The following PATL2 variants were observed in gnomAD, a reference collection of about 807,000 sequenced individuals.
PATL2 encodes the protein PAT1 homolog 2, also known as protein PAT1 homolog 2.
A neutral mutation model predicts 77.0 loss-of-function variants in PATL2; 73 were observed. The observed-to-expected ratio is 0.95, with a 90% CI of 0.78 to 1.15. PATL2 has a LOEUF of 1.15. Among genes scored for constraint, PATL2 ranks in the 50% most tolerant of loss-of-function variants. PATL2 has a pLI of 0.00. For missense variants in PATL2, 618 were observed against 655.4 expected (o/e 0.94, Z 0.62); for synonymous variants, 265 against 257.1 (o/e 1.03, Z -0.29).
At chr15:44,673,455 C>T (rs2085794040) in intron 6 of PATL2, 78 bp from the exon 7 acceptor site, 1 of 1,495,212 alleles carries the variant, frequency 6.7e-7, no homozygotes, top group Non-Finnish European at 9.0e-7. Flanking sequence ...GGGCTCAGTT[C>T]CTTTCCTACC....
intron 3 of PATL2, among the ~76,000 whole-genome samples, chr15:44,688,278 T>C (rs1053844724): frequency 1.4e-5 from 2 of 146,778 alleles, no homozygotes; most frequent in Non-Finnish European, 3.0e-5. Context: ...TAAATAATAA[T>C]AATAATAAAA....
intron 3 of PATL2, among the ~76,000 whole-genome samples, chr15:44,707,114 T>TGAACG (rs1403105347): frequency 2.0e-5 from 3 of 151,820 alleles, no homozygotes; most frequent in Non-Finnish European, 4.4e-5. Flanking sequence ...AAGCTTGTGG[T>TGAACG]GAACGCTGCC....
intron 5 of PATL2, chr15:44,674,461 A>G (rs376563857): frequency 2.8e-5 from 14 of 491,248 alleles, no homozygotes; most frequent in African/African-American, 2.5e-4. Context: ...CATGAGACAT[A>G]TATGTTCCGA....
chr15:44,678,487 G>C (rs539014760), intron 3 of PATL2, among the ~76,000 whole-genome samples: 49 of 152,064 alleles, frequency 3.2e-4, no homozygotes, highest in Non-Finnish European at 6.2e-4. Context: ...TATGTCTACT[G>C]ATCCCCTAGA....
intron 3 of PATL2, among the ~76,000 whole-genome samples, chr15:44,698,686 T>G (rs1287323986): frequency 6.6e-6 from 1 of 152,254 alleles, no homozygotes; most frequent in Non-Finnish European, 1.5e-5. Flanking sequence ...CTATTTTGAA[T>G]AGTGCTGCAA....
intron 3 of PATL2, among the ~76,000 whole-genome samples, chr15:44,692,444 C>T (rs916988959): frequency 4.6e-5 from 7 of 152,316 alleles, no homozygotes; most frequent in African/African-American, 1.7e-4. Context: ...ACCTGCATCA[C>T]AGTCTAAAGG....
intron 6 of PATL2, among the ~76,000 whole-genome samples, chr15:44,673,642 A>T (rs1280817048): frequency 1.3e-5 from 2 of 152,054 alleles, no homozygotes; most frequent in African/African-American, 4.8e-5. Flanking sequence ...GAAAGTCAAC[A>T]CTTCTCACCC....
rs183435653 is a variant in PATL2 at position 44,672,806 on chromosome 15, C to A, written c.447-350G>T. Among the ~76,000 whole-genome samples the A allele has an allele frequency of 8.9e-4, 135 of 152,352 alleles. 2 individuals carry two copies. The highest frequency in any genetic ancestry group is 3.2e-3 in the African/African-American group (134 of 41,588). On this transcript the variant is annotated intron_variant, in intron 7 of 17. Transcript: ENST00000682850. ...AGACAGTCTCCCTCTGTCATCCAGG[C>A]TGGAGTGCAGTGGCATGGTCTCAGC...
Position 44,711,236 on chromosome 15 carries a change from G to T in PATL2, c.-470C>A. 1 of 544,676 alleles carries T rather than the reference G, an allele frequency of 1.8e-6. No homozygotes were observed. Among genetic ancestry groups the T allele is most frequent in the Non-Finnish European group, 3.3e-6 (1 of 301,368 alleles). 33.7% of individuals were successfully genotyped at this position (544,676 alleles called of 1,614,324 possible). ...CAAAGCGAGGGGGCAGCCTTAATGT[G>T]CCTCCAGCCTGAAGTCCTAGAATGA... is the stretch of plus-strand genomic sequence containing the variant. On this transcript the variant is annotated 5_prime_UTR_variant, in exon 1 of 18. Transcript: ENST00000682850.
intron 3 of PATL2, among the ~76,000 whole-genome samples, chr15:44,704,212 C>T (rs1309675056): frequency 6.7e-6 from 1 of 149,882 alleles, no homozygotes; most frequent in African/African-American, 2.5e-5. Flanking sequence ...GCACTTTCAC[C>T]ACCGTGTTTT....
chr15:44,704,516 T>A (rs1453331490), intron 3 of PATL2, among the ~76,000 whole-genome samples: 1 of 152,226 alleles, frequency 6.6e-6, no homozygotes, highest in Non-Finnish European at 1.5e-5. Context: ...GTCCTCCTGC[T>A]TTTTAATTCT....
At chr15:44,667,860 G>A (rs577085235) in intron 15 of PATL2, among the ~76,000 whole-genome samples, 70 of 152,196 alleles carry the variant, frequency 4.6e-4, no homozygotes, top group Non-Finnish European at 7.5e-4. Context: ...GGAGAATGGC[G>A]TGAACCCAGG....
intron 7 of PATL2, 43 bp downstream of exon 7, chr15:44,673,192 C>A: frequency 6.5e-7 from 1 of 1,545,424 alleles, no homozygotes; most frequent in Non-Finnish European, 8.7e-7. Context: ...CCCTCCTCAG[C>A]CAGCACCTCC....
chr15:44,695,591 A>T (rs2086486954), intron 3 of PATL2, among the ~76,000 whole-genome samples: 1 of 152,196 alleles, frequency 6.6e-6, no homozygotes, highest in Non-Finnish European at 1.5e-5. Context: ...TATAAAATCC[A>T]GGGCACCGGC....
At chr15:44,678,963 T>C (rs1480320519) in intron 3 of PATL2, among the ~76,000 whole-genome samples, 1 of 152,208 alleles carries the variant, frequency 6.6e-6, no homozygotes, top group African/African-American at 2.4e-5. Context: ...AATTTGTCCA[T>C]TACTTATAAA....
At chr15:44,686,903 G>C (rs750492333) in intron 3 of PATL2, among the ~76,000 whole-genome samples, 1 of 152,076 alleles carries the variant, frequency 6.6e-6, no homozygotes. Context: ...TGAAATTGAG[G>C]CAGTAATTAA....
chr15:44,676,201 A>T (rs1202388770), intron 4 of PATL2: 4 of 471,624 alleles, frequency 8.5e-6, no homozygotes, highest in Non-Finnish European at 1.6e-5. Flanking sequence ...ACTGCAATTT[A>T]ACCCTACTGT....
At position 44,673,216 on chromosome 15, in the gene PATL2, G is replaced by T; in HGVS notation, c.446+19C>A. ...GCCAGCACCTCCTGAGACCTCTGGGGAGAACCTCAAACCAGTACCTGAACC... is the reference window on the plus strand; with the variant it reads ...GCCAGCACCTCCTGAGACCTCTGGGTAGAACCTCAAACCAGTACCTGAACC... On this transcript the variant is annotated intron_variant, in intron 7 of 17. Transcript: ENST00000682850. 6.4e-7 allele frequency: 1 copy of T among 1,550,636 alleles called. No individual in the cohort carries two copies. Among genetic ancestry groups the T allele is most frequent in the Non-Finnish European group, 8.7e-7 (1 of 1,146,772 alleles).
intron 3 of PATL2, among the ~76,000 whole-genome samples, chr15:44,685,194 G>C (rs926110620): frequency 6.6e-6 from 1 of 152,078 alleles, no homozygotes; most frequent in African/African-American, 2.4e-5. Context: ...GTCAACTAAC[G>C]GGCAAAATAA....
Sources: allele counts gnomAD v4.1 joint callset (sites outside exome capture counted in the v4.1 genomes callset), GRCh38; gene constraint gnomAD v4.1.1; transcripts MANE v1.5; gene names NCBI Gene and HGNC (gene_info 2026-07-23, HGNC 2026-07-21).